The following MAD2L2 variants were observed in gnomAD, a reference collection of about 807,000 sequenced individuals.
MAD2L2 encodes the protein mitotic arrest deficient 2 like 2.
MAD2L2 carries 17 observed loss-of-function variants against 30.5 expected under a neutral mutation model. The ratio of observed to expected loss-of-function variants is 0.56; its 90% CI spans 0.38 to 0.84. The LOEUF (loss-of-function observed/expected upper bound fraction) is 0.84, where lower values mean the gene tolerates loss of function less well. MAD2L2 is among the 40% of genes least tolerant of loss of function. The pLI is 0.00. For synonymous variants in MAD2L2, 101 were observed against 113.9 expected (o/e 0.89, Z 0.72); for missense variants, 213 against 277.4 (o/e 0.77, Z 1.65).
Position 11,674,971 on chromosome 1 carries a change from C to A in MAD2L2, c.594+111G>T. ...GAGTAGAGATGGGAGGAGCCCTCCA[C>A]CAGGCACTCCCCCGTTCTCTCCCGC... On this transcript the variant is annotated intron_variant, in intron 8 of 8. Transcript: ENST00000376692. The surrounding 1 kb of genome is among the most constrained non-coding windows in gnomAD (Gnocchi z 6.1). The A allele has an allele frequency of 7.9e-7, 1 of 1,258,184 alleles. No homozygotes were observed. The highest frequency in any genetic ancestry group is 1.1e-6 in the Non-Finnish European group (1 of 880,672). The allele number at this position is 1,258,184 out of a possible 1,614,324, so 77.9% of individuals were successfully genotyped here.
At chr1:11,679,852 C>G (rs914600295) in intron 3 of MAD2L2, among the ~76,000 whole-genome samples, 2 of 150,868 alleles carry the variant, frequency 1.3e-5, no homozygotes, top group Non-Finnish European at 3.0e-5. Context: ...CTTATCAGGC[C>G]TGGTCCCTAA....
rs572419751 is a variant in MAD2L2, at chr1:11,674,984, C to T, written c.594+98G>A. ...AGGAGCCCTCCACCAGGCACTCCCCCGTTCTCTCCCGCAAGCCCTCTAGTA... is the reference window on the plus strand; with the variant it reads ...AGGAGCCCTCCACCAGGCACTCCCCTGTTCTCTCCCGCAAGCCCTCTAGTA... On this transcript the variant is annotated intron_variant, in intron 8 of 8. Transcript: ENST00000376692. The surrounding 1 kb of genome is among the most constrained non-coding windows in gnomAD (Gnocchi z 6.1). 1.9e-5 allele frequency: 24 copies of T among 1,276,922 alleles called. No individual in the cohort carries two copies. The highest frequency in any genetic ancestry group is 1.9e-4 in the Middle Eastern group (1 of 5,246). The allele number at this position is 1,276,922 out of a possible 1,614,324, so 79.1% of individuals were successfully genotyped here. A position where few individuals can be genotyped will look rare whatever the true frequency, so the allele number is the denominator to read the frequency against.
chr1:11,675,661 G>C lies in MAD2L2; in HGVS notation c.498C>G (p.Ile166Met). 1 of 1,614,002 alleles carries C rather than the reference G, an allele frequency of 6.2e-7. No homozygotes were observed. Among genetic ancestry groups the C allele is most frequent in the Non-Finnish European group, 8.5e-7 (1 of 1,179,894 alleles). ...ATRNMEKIQV[I>M]KDFPWILADE... ...ACCCAGACCCATCTCATCTCACCTT[G>C]ATGACCTGGATCTTCTCCATGTTGC... is the stretch of plus-strand genomic sequence containing the variant. The change falls in exon 7 of 9, where the codon ATC becomes ATG. Residue 166 changes from isoleucine (I) to methionine (M), a missense_variant. Transcript: ENST00000376692.
upstream of MAD2L2, among the ~76,000 whole-genome samples, chr1:11,684,046 G>A (rs1640916854): frequency 6.6e-6 from 1 of 152,142 alleles, no homozygotes; most frequent in South Asian, 2.1e-4. Context: ...GGTGGGTTAG[G>A]AAGCAGATGG....
upstream of MAD2L2, among the ~76,000 whole-genome samples, chr1:11,682,890 G>A (rs1481535571): frequency 6.6e-6 from 1 of 152,172 alleles, no homozygotes; most frequent in Non-Finnish European, 1.5e-5. Context: ...CTCAAGATAT[G>A]GGGATCCTGC....
upstream of MAD2L2, among the ~76,000 whole-genome samples, chr1:11,685,447 G>A (rs1640941940): frequency 6.6e-6 from 1 of 152,144 alleles, no homozygotes; most frequent in South Asian, 2.1e-4. Context: ...CAAGGGCTGT[G>A]GCATGTTCCC....
intron 6 of MAD2L2, 91 bp from the exon 7 acceptor site, chr1:11,675,822 C>T: frequency 9.0e-7 from 1 of 1,111,436 alleles, no homozygotes; most frequent in Non-Finnish European, 1.4e-6. Context: ...GCTGGCTCAG[C>T]AGCACCCCCA....
Position 11,687,798 on chromosome 1 carries a change from T to TA in MAD2L2, c.-692+3614dup, listed in dbSNP as rs1346852964. On this transcript the variant is annotated intron_variant, in intron 1 of 10. Transcript: ENST00000235310. This position sits in a 1 kb window ranked among gnomAD's most constrained non-coding sequence, Gnocchi z 4.1. Reference sequence around the variant, plus strand: ...TCATCCAGGTCGAATCACATATTGATACTTCATTCCTTCGTAGAACCAAAA... The same window carrying TA: ...TCATCCAGGTCGAATCACATATTGATAACTTCATTCCTTCGTAGAACCAAAA... Among the ~76,000 whole-genome samples, 7 of 152,234 alleles carry TA rather than the reference T, an allele frequency of 4.6e-5. No homozygotes were observed. The highest frequency in any genetic ancestry group is 1.7e-4 in the African/African-American group (7 of 41,468).
At chr1:11,679,832 C>T (rs924658474) in intron 3 of MAD2L2, among the ~76,000 whole-genome samples, 5 of 149,114 alleles carry the variant, frequency 3.4e-5, no homozygotes, top group South Asian at 2.1e-4. Context: ...CGGCCACCCC[C>T]GGGGTAACTC....
At chr1:11,679,158 A>G (rs751448233) in intron 3 of MAD2L2, among the ~76,000 whole-genome samples, 7 of 152,162 alleles carry the variant, frequency 4.6e-5, no homozygotes, top group Non-Finnish European at 8.8e-5. Context: ...AGCGAGACTC[A>G]GTCTCAAAAA....
upstream of MAD2L2, among the ~76,000 whole-genome samples, chr1:11,683,388 T>C (rs1347094698): frequency 6.6e-6 from 1 of 152,224 alleles, no homozygotes; most frequent in Non-Finnish European, 1.5e-5. Context: ...GTACCCACCC[T>C]GTCAACTAGA....
intron 4 of MAD2L2, chr1:11,677,229 C>T: frequency 1.7e-6 from 1 of 600,546 alleles, no homozygotes; most frequent in South Asian, 2.1e-5. Flanking sequence ...GGGCTCAGCT[C>T]AGACAGAACG....
rs1043473816 is a variant in MAD2L2 at position 11,687,949 on chromosome 1, A to T, written c.-692+3464T>A. On this transcript the variant is annotated intron_variant, in intron 1 of 10. Coordinates refer to the MAD2L2 transcript ENST00000235310. This position sits in a 1 kb window ranked among gnomAD's most constrained non-coding sequence, Gnocchi z 4.1. ...GAAACTGAGGCCCTAAAGTCATCATAAACTGGATGGGATAGGAGTCCAGGC... is the reference window on the plus strand; with the variant it reads ...GAAACTGAGGCCCTAAAGTCATCATTAACTGGATGGGATAGGAGTCCAGGC... Among the ~76,000 whole-genome samples the T allele has an allele frequency of 6.6e-6, 1 of 152,196 alleles. No homozygotes were observed. Among genetic ancestry groups the T allele is most frequent in the African/African-American group, 2.4e-5 (1 of 41,446 alleles).
intron 7 of MAD2L2, 86 bp downstream of exon 7, chr1:11,675,571 TG>T: frequency 7.6e-7 from 1 of 1,311,958 alleles, no homozygotes; most frequent in Non-Finnish European, 1.1e-6. Context: ...AATGGGTGGC[TG>T]GCCACAGGCA....
chr1:11,677,853 T>C (rs1640797944), intron 3 of MAD2L2, among the ~76,000 whole-genome samples: 1 of 151,640 alleles, frequency 6.6e-6, no homozygotes, highest in African/African-American at 2.4e-5. Flanking sequence ...AGGTCAGGTA[T>C]TCGAGACCAG....
chr1:11,684,436 G>A (rs1271577044), upstream of MAD2L2, among the ~76,000 whole-genome samples: 4 of 152,146 alleles, frequency 2.6e-5, no homozygotes, highest in Non-Finnish European at 4.4e-5. Flanking sequence ...GGAAGGATGG[G>A]TGTTTAGGGG....
Position 11,680,756 on chromosome 1 carries a change from A to G in MAD2L2, c.-12-143T>C, listed in dbSNP as rs1640860984. On this transcript the variant is annotated intron_variant, in intron 1 of 8. Transcript: ENST00000376692. ...TTCGCACAGGCTCAGGGCAGCTGGAAGAACCTCCACCCCCACGCTGGCGTC... is the reference window on the plus strand; with the variant it reads ...TTCGCACAGGCTCAGGGCAGCTGGAGGAACCTCCACCCCCACGCTGGCGTC... 25 of 1,374,030 alleles carry G rather than the reference A, an allele frequency of 1.8e-5. No individual in the cohort carries two copies. The Middle Eastern group carries it at 8.1e-4, about 45-fold the overall frequency. 85.1% of individuals were successfully genotyped at this position (1,374,030 alleles called of 1,614,324 possible).
chr1:11,683,119 T>G (rs1333008757), upstream of MAD2L2, among the ~76,000 whole-genome samples: 2 of 152,106 alleles, frequency 1.3e-5, no homozygotes, highest in African/African-American at 4.8e-5. Context: ...GACTGGGGCC[T>G]GGGGTGGGGA....
Position 11,674,724 on chromosome 1 carries a change from G to A in MAD2L2, c.*51C>T, listed in dbSNP as rs775589805. The A allele has an allele frequency of 4.4e-6, 7 of 1,594,414 alleles. No individual in the cohort carries two copies. In the East Asian group the frequency reaches 1.3e-4, roughly 31 times the overall value. On this transcript the variant is annotated 3_prime_UTR_variant, in exon 9 of 9. Transcript: ENST00000376692. This position sits in a 1 kb window ranked among gnomAD's most constrained non-coding sequence, Gnocchi z 6.1. The stretch of plus-strand genomic sequence containing the variant: ...GCCATGCAGCACTGCCCTAGGCGGG[G>A]ATCCCCCAAAGTCTGACAGTTTGGG...
Sources: allele counts gnomAD v4.1 joint callset (sites outside exome capture counted in the v4.1 genomes callset), GRCh38; gene constraint gnomAD v4.1.1; non-coding constraint Gnocchi (gnomAD v3.1); transcripts MANE v1.5; gene names NCBI Gene and HGNC (gene_info 2026-07-23, HGNC 2026-07-21).